The following MEIS2 variants were observed in gnomAD, a reference collection of about 807,000 sequenced individuals.
MEIS2 encodes the protein homeobox protein Meis2.
Under a neutral mutation model 58.6 loss-of-function variants are expected in MEIS2, and 9 were observed. The ratio of observed to expected loss-of-function variants is 0.15; its 90% CI spans 0.09 to 0.27. The LOEUF is 0.27. MEIS2 is among the 10% of genes least tolerant of loss of function. MEIS2 has a pLI of 1.00. For missense variants in MEIS2, 427 were observed against 635.0 expected, an observed-to-expected ratio of 0.67 and a Z score of 3.52; for synonymous variants, 221 against 228.4, an observed-to-expected ratio of 0.97 and a Z score of 0.29.
chr15:37,035,912 G>A (rs1177722958), intron 8 of MEIS2, among the ~76,000 whole-genome samples: 1 of 152,184 alleles, frequency 6.6e-6, no homozygotes. Context: ...AGCTTTCAAT[G>A]TGCTACTCTA....
intron 9 of MEIS2, among the ~76,000 whole-genome samples, chr15:36,924,675 G>C (rs1217417555): frequency 1.3e-5 from 2 of 152,140 alleles, no homozygotes; most frequent in African/African-American, 2.4e-5. Context: ...TGAGCTTACG[G>C]GAGCGGACCT....
intron 9 of MEIS2, among the ~76,000 whole-genome samples, chr15:36,944,441 A>C (rs1292374738): frequency 6.6e-6 from 1 of 152,080 alleles, no homozygotes; most frequent in Non-Finnish European, 1.5e-5. Context: ...ATTTCAACCC[A>C]TGAGTGACTG....
At position 36,892,316 on chromosome 15, in the gene MEIS2, T is replaced by C. The variant is rs1360412743; in HGVS notation, c.1291A>G (p.Ser431Gly). ...ATCATGGCTGGGTGGTGGGGATGGC[T>C]TGGCAAATATGAATGCATTGGGGGT... ...HGPPMHSYLPSHPHHPAMMMH... is the reference protein window; with the variant it reads ...HGPPMHSYLPGHPHHPAMMMH... Residue 431 changes from serine (S) to glycine (G), a missense_variant, in exon 12 of 12, where the codon AGC becomes GGC. Ser to Gly is a moderately conservative substitution (Grantham distance 56, BLOSUM62 0). Transcript: ENST00000561208. The C allele has an allele frequency of 6.2e-7, 1 of 1,613,724 alleles. No individual in the cohort carries two copies. Among genetic ancestry groups the C allele is most frequent in the Non-Finnish European group, 8.5e-7 (1 of 1,179,944 alleles).
intron 8 of MEIS2, among the ~76,000 whole-genome samples, chr15:36,999,913 T>G (rs977261354): frequency 6.6e-6 from 1 of 152,108 alleles, no homozygotes; most frequent in Non-Finnish European, 1.5e-5. Context: ...CATGAGAAAA[T>G]GGATGCTTGG....
chr15:37,045,635 G>A lies in MEIS2; in HGVS notation c.755-8676C>T, dbSNP rs141657747. Among the ~76,000 whole-genome samples, 1,139 of 152,248 alleles carry A rather than the reference G, an allele frequency of 7.5e-3. 7 individuals carry two copies. The highest frequency in any genetic ancestry group is 0.026 in the African/African-American group (1,065 of 41,540). On this transcript the variant is annotated intron_variant, in intron 7 of 11. Coordinates refer to ENST00000561208, the MANE Select transcript of MEIS2 (RefSeq NM_170675.5). The stretch of plus-strand genomic sequence containing the variant: ...TCAGATCAGTTGAGGGGAGGGGGCT[G>A]TAGACCCAGAAACACGGGGAGGATG...
At chr15:37,049,085 T>G (rs2062799279) in intron 7 of MEIS2, among the ~76,000 whole-genome samples, 1 of 152,226 alleles carries the variant, frequency 6.6e-6, no homozygotes, top group Non-Finnish European at 1.5e-5. Context: ...TTTAAATAAA[T>G]GTAGTGCCAT....
chr15:37,020,289 C>T (rs1411669623), intron 8 of MEIS2, among the ~76,000 whole-genome samples: 1 of 152,094 alleles, frequency 6.6e-6, no homozygotes, highest in Non-Finnish European at 1.5e-5. Flanking sequence ...ACCTCGCTTC[C>T]CTCAGTCCTT....
intron 9 of MEIS2, among the ~76,000 whole-genome samples, chr15:36,924,659 T>C (rs1055757741): frequency 3.3e-5 from 5 of 152,188 alleles, no homozygotes; most frequent in Non-Finnish European, 7.4e-5. Context: ...TGACCATGAC[T>C]GGCTGTGAGC....
chr15:36,975,734 A>G (rs1048948034), intron 8 of MEIS2, among the ~76,000 whole-genome samples: 37 of 152,176 alleles, frequency 2.4e-4, no homozygotes, highest in Non-Finnish European at 2.9e-5. Flanking sequence ...GGTGAGTCCA[A>G]GGTGAGATGA....
intron 9 of MEIS2, among the ~76,000 whole-genome samples, chr15:36,934,420 A>G (rs2058089691): frequency 6.6e-6 from 1 of 152,196 alleles, no homozygotes; most frequent in African/African-American, 2.4e-5. Context: ...AAAATTCTCA[A>G]GATGATAGTT....
chr15:37,042,107 C>T (rs2062449403), intron 7 of MEIS2, among the ~76,000 whole-genome samples: 1 of 152,148 alleles, frequency 6.6e-6, no homozygotes, highest in Non-Finnish European at 1.5e-5. Flanking sequence ...GCAGTGATTG[C>T]ACCACTGCAC....
At chr15:37,042,518 C>T (rs1423593614) in intron 7 of MEIS2, among the ~76,000 whole-genome samples, 1 of 152,228 alleles carries the variant, frequency 6.6e-6, no homozygotes, top group Admixed American at 6.5e-5. Flanking sequence ...GGCATGGCAA[C>T]TTCAAGTCAG....
intron 7 of MEIS2, among the ~76,000 whole-genome samples, chr15:37,064,046 T>C (rs1889604569): frequency 6.6e-6 from 1 of 152,136 alleles, no homozygotes; most frequent in Non-Finnish European, 1.5e-5. Flanking sequence ...GGTTAAGTAA[T>C]GATATGCGAA....
At chr15:36,917,869 C>T (rs1371297788) in intron 9 of MEIS2, among the ~76,000 whole-genome samples, 2 of 152,164 alleles carry the variant, frequency 1.3e-5, no homozygotes, top group African/African-American at 2.4e-5. Context: ...ATGGTAGCCT[C>T]GCTTTGCTTA....
chr15:37,010,322 C>T (rs2061096375), intron 8 of MEIS2, among the ~76,000 whole-genome samples: 1 of 152,048 alleles, frequency 6.6e-6, no homozygotes, highest in African/African-American at 2.4e-5. Context: ...CTCCTGACCT[C>T]ATGATCCGCC....
chr15:36,972,987 C>T (rs1462657421), intron 8 of MEIS2: 1 of 152,192 alleles, frequency 6.6e-6, no homozygotes, highest in Non-Finnish European at 1.5e-5. Context: ...TAGAATTAGT[C>T]TGTGTTTGCA....
intron 4 of MEIS2, among the ~76,000 whole-genome samples, chr15:37,095,250 C>A (rs539518119): frequency 2.0e-5 from 3 of 151,892 alleles, no homozygotes; most frequent in Admixed American, 2.0e-4. Flanking sequence ...CCGCCTGCCC[C>A]GGCAAACAGA....
intron 9 of MEIS2, among the ~76,000 whole-genome samples, chr15:36,919,818 C>A (rs988446200): frequency 6.6e-6 from 1 of 152,156 alleles, no homozygotes; most frequent in Non-Finnish European, 1.5e-5. Context: ...GTGAGATAGC[C>A]TGAATTTTAA....
At position 36,976,317 on chromosome 15, in the gene MEIS2, C is replaced by T; in HGVS notation, c.901-25917G>A. On this transcript the variant is annotated intron_variant, in intron 8 of 11. Transcript: ENST00000561208. ...GCCAGGCTGGTCTCGAACTCCTGAC[C>T]TTGTGATTCACCCGCCTTGGCCTCC... 1.3e-5 allele frequency among the ~76,000 whole-genome samples: 2 copies of T among 151,970 alleles called. 1 individual carries two copies. The highest frequency in any genetic ancestry group is 2.9e-5 in the Non-Finnish European group (2 of 67,982).
Sources: gnomAD v4.1 joint callset for allele counts (sites outside exome capture counted in the v4.1 genomes callset) on GRCh38, gnomAD v4.1.1 for gene constraint, MANE v1.5 for transcripts, NCBI Gene and HGNC (gene_info 2026-07-23, HGNC 2026-07-21) for gene names.